The following MAP3K7 variants were observed in gnomAD, a reference collection of about 807,000 sequenced individuals.
MAP3K7 encodes TGF-beta activated kinase 1.
In MAP3K7, 21 loss-of-function variants were observed where a neutral mutation model predicts 84.8. That is an observed-to-expected ratio of 0.25 (90% confidence interval 0.18 to 0.36). The LOEUF is 0.36. MAP3K7 is among the 10% of genes least tolerant of loss of function. The pLI, the probability that MAP3K7 is intolerant of heterozygous loss-of-function variation, is 1.00. For synonymous variants in MAP3K7, 241 were observed against 247.7 expected (o/e 0.97, Z 0.25); for missense variants, 503 against 747.7 (o/e 0.67, Z 3.82).
At chr6:90,551,847 T>C in intron 8 of MAP3K7, 1 of 443,928 alleles carries the variant, frequency 2.3e-6, no homozygotes, top group Admixed American at 4.4e-5. Context: ...AGTCTAGCCA[T>C]CTTTCCAGTG....
intron 13 of MAP3K7, among the ~76,000 whole-genome samples, chr6:90,532,730 AT>A (rs1775548130): frequency 6.6e-6 from 1 of 152,242 alleles, no homozygotes; most frequent in Non-Finnish European, 1.5e-5. Context: ...ACCCAGGTGT[AT>A]AAAACATAAA....
intron 1 of MAP3K7, among the ~76,000 whole-genome samples, chr6:90,580,916 C>T (rs1777248422): frequency 6.6e-6 from 1 of 152,110 alleles, no homozygotes; most frequent in Admixed American, 6.6e-5. Flanking sequence ...CATTTCTCCC[C>T]CTATGGTTGA....
intron 3 of MAP3K7, among the ~76,000 whole-genome samples, chr6:90,562,196 T>C (rs931491281): frequency 1.3e-5 from 2 of 152,226 alleles, no homozygotes; most frequent in Non-Finnish European, 2.9e-5. Context: ...CATTTCCAAC[T>C]GAGGTACAGG....
At chr6:90,544,359 A>T (rs942661255) in intron 12 of MAP3K7, among the ~76,000 whole-genome samples, 193 bp downstream of exon 12, 40 of 152,094 alleles carry the variant, frequency 2.6e-4, no homozygotes, top group African/African-American at 9.7e-4. Context: ...ATCCTCACTT[A>T]TTGTAGATCA....
chr6:90,568,400 A>G (rs1360465509), intron 3 of MAP3K7, among the ~76,000 whole-genome samples, 158 bp downstream of exon 3: 2 of 152,148 alleles, frequency 1.3e-5, no homozygotes, highest in African/African-American at 2.4e-5. Flanking sequence ...CACTGCTGAT[A>G]TTTTAAAGTA....
At chr6:90,524,844 T>C (rs1301107378) in intron 13 of MAP3K7, among the ~76,000 whole-genome samples, 1 of 152,178 alleles carries the variant, frequency 6.6e-6, no homozygotes, top group Admixed American at 6.5e-5. Flanking sequence ...TGAAAAGCAC[T>C]GACTTAAAAC....
At chr6:90,573,266 T>C (rs1776965328) in intron 1 of MAP3K7, among the ~76,000 whole-genome samples, 1 of 152,184 alleles carries the variant, frequency 6.6e-6, no homozygotes, top group African/African-American at 2.4e-5. Flanking sequence ...AAGTAGAAGT[T>C]AGTATCTTCC....
At chr6:90,576,465 A>ACG (rs1777084876) in intron 1 of MAP3K7, among the ~76,000 whole-genome samples, 1 of 148,366 alleles carries the variant, frequency 6.7e-6, no homozygotes, top group Non-Finnish European at 1.5e-5. Context: ...ACACACACAC[A>ACG]CACACAGAAG....
At chr6:90,568,450 T>G in intron 3 of MAP3K7, 108 bp downstream of exon 3, 1 of 765,686 alleles carries the variant, frequency 1.3e-6, no homozygotes, top group South Asian at 2.0e-5. Context: ...ATAATATTTT[T>G]GAAAAACTTA....
At chr6:90,556,957 C>A (rs541095560) in intron 5 of MAP3K7, among the ~76,000 whole-genome samples, 1 of 152,202 alleles carries the variant, frequency 6.6e-6, no homozygotes, top group East Asian at 1.9e-4. Context: ...GTTAGGTCAA[C>A]ATTACGGTAT....
In MAP3K7 at chr6:90,515,937, T is replaced by C. The variant is rs1288513914; in HGVS notation, c.*564A>G. The C allele has an allele frequency of 6.5e-6, 1 of 153,344 alleles. No homozygotes were observed. Among genetic ancestry groups the C allele is most frequent in the Non-Finnish European group, 1.5e-5 (1 of 68,664 alleles). The allele number at this position is 153,344 out of a possible 1,614,324, so 9.5% of individuals were successfully genotyped here. A position where few individuals can be genotyped will look rare whatever the true frequency, so the allele number is the denominator to read the frequency against. On this transcript the variant is annotated 3_prime_UTR_variant, in exon 17 of 17. Transcript: ENST00000369329. Reference sequence around the variant, plus strand: ...ACATATTTTACGGATGGAACTGAGTTCAGTACTGATCCAAGGATGCTGGCA... The same window carrying C: ...ACATATTTTACGGATGGAACTGAGTCCAGTACTGATCCAAGGATGCTGGCA...
At chr6:90,517,354 G>C (rs1582153268) in intron 16 of MAP3K7, among the ~76,000 whole-genome samples, 1 of 151,814 alleles carries the variant, frequency 6.6e-6, no homozygotes, top group Middle Eastern at 3.4e-3. Flanking sequence ...CTAAAGTGAG[G>C]TTACTGGATA....
At chr6:90,516,715 TG>T in intron 16 of MAP3K7, 34 bp from the exon 17 acceptor site, 1 of 1,534,142 alleles carries the variant, frequency 6.5e-7, no homozygotes, top group Non-Finnish European at 8.8e-7. Context: ...TTACACATGA[TG>T]GAAAAATTCA....
chr6:90,570,997 AC>A (rs752049809), intron 2 of MAP3K7, among the ~76,000 whole-genome samples: 1 of 152,208 alleles, frequency 6.6e-6, no homozygotes, highest in Non-Finnish European at 1.5e-5. Flanking sequence ...TCCATGTTAT[AC>A]ATTAAAAATA....
At chr6:90,579,020 T>G (rs157433) in intron 1 of MAP3K7, among the ~76,000 whole-genome samples, 2 of 152,058 alleles carry the variant, frequency 1.3e-5, no homozygotes, top group Non-Finnish European at 2.9e-5. Flanking sequence ...CTCCAAGAAC[T>G]GAAGTTACCT....
intron 3 of MAP3K7, among the ~76,000 whole-genome samples, chr6:90,564,470 A>C (rs1446191145): frequency 2.0e-5 from 3 of 151,994 alleles, no homozygotes; most frequent in Admixed American, 1.3e-4. Context: ...AAAGAGACAA[A>C]GAAGGCCATT....
In MAP3K7 at chr6:90,573,854, G is replaced by A. The variant is rs114323707; in HGVS notation, c.121-2047C>T. ...TTCTCTGGTAGCTAGTCTTTGTTTTGTTGACTTCCCATTTCACTCGTCCTA... is the reference window on the plus strand; with the variant it reads ...TTCTCTGGTAGCTAGTCTTTGTTTTATTGACTTCCCATTTCACTCGTCCTA... On this transcript the variant is annotated intron_variant, in intron 1 of 16. Transcript: ENST00000369329. Among the ~76,000 whole-genome samples the A allele has an allele frequency of 3.9e-3, 598 of 152,342 alleles. 4 individuals are homozygous for A. Among genetic ancestry groups the A allele is most frequent in the African/African-American group, 0.014 (572 of 41,572 alleles).
intron 2 of MAP3K7, among the ~76,000 whole-genome samples, chr6:90,570,989 C>T (rs1582232781): frequency 6.6e-6 from 1 of 152,112 alleles, no homozygotes; most frequent in East Asian, 1.9e-4. Flanking sequence ...CTCATTTTTC[C>T]ATGTTATACA....
intron 1 of MAP3K7, 90 bp downstream of exon 1, chr6:90,586,674 G>A: frequency 1.3e-6 from 2 of 1,491,486 alleles, no homozygotes; most frequent in Non-Finnish European, 1.8e-6. Flanking sequence ...GAATTAGAGG[G>A]GCCCCGGGAG....
Sources: allele counts gnomAD v4.1 joint callset (sites outside exome capture counted in the v4.1 genomes callset), GRCh38; gene constraint gnomAD v4.1.1; transcripts MANE v1.5; gene names NCBI Gene and HGNC (gene_info 2026-07-23, HGNC 2026-07-21).